Variants in CTNND2 observed in about 807,000 individuals in gnomAD.
CTNND2 encodes catenin delta 2, also known as catenin delta-2.
CTNND2 carries 22 observed loss-of-function variants against 144.4 expected under a neutral mutation model. The observed-to-expected ratio is 0.15, with a 90% CI of 0.11 to 0.22. The LOEUF (loss-of-function observed/expected upper bound fraction) is 0.22, where lower values mean the gene tolerates loss of function less well. Ranked by LOEUF, CTNND2 falls within the 10% of genes least tolerant of loss-of-function variation. CTNND2 has a pLI of 1.00. For synonymous variants in CTNND2, 751 were observed against 695.6 expected (o/e 1.08, Z -1.25); for missense variants, 1,353 against 1,618.8 (o/e 0.84, Z 2.82).
chr5:11,549,465 A>G (rs1397367755), intron 3 of CTNND2, among the ~76,000 whole-genome samples: 2 of 152,136 alleles, frequency 1.3e-5, no homozygotes, highest in Non-Finnish European at 2.9e-5. Flanking sequence ...CTCACCCCCA[A>G]CAGGCAGACT....
chr5:11,125,901 T>C (rs1374487874), intron 12 of CTNND2, among the ~76,000 whole-genome samples: 9 of 152,254 alleles, frequency 5.9e-5, no homozygotes, highest in Admixed American at 5.9e-4. Context: ...TTCTGTTTTT[T>C]ACCATAACAA....
intron 1 of CTNND2, among the ~76,000 whole-genome samples, chr5:11,805,643 C>A (rs1160923559): frequency 6.6e-6 from 1 of 151,982 alleles, no homozygotes; most frequent in East Asian, 1.9e-4. Flanking sequence ...AGCATTGGAT[C>A]ATAACATAAA....
intron 3 of CTNND2, among the ~76,000 whole-genome samples, chr5:11,416,664 A>G (rs2149844905): frequency 6.6e-6 from 1 of 152,296 alleles, no homozygotes; most frequent in South Asian, 2.1e-4. Context: ...TCACAGACAC[A>G]CTCATATCAG....
At chr5:11,325,409 A>G (rs1752430665) in intron 9 of CTNND2, among the ~76,000 whole-genome samples, 2 of 152,096 alleles carry the variant, frequency 1.3e-5, no homozygotes, top group African/African-American at 4.8e-5. Context: ...ATCAAGACAT[A>G]TATAATTATA....
At chr5:11,651,402 C>T (rs992844123) in intron 2 of CTNND2, among the ~76,000 whole-genome samples, 1 of 152,192 alleles carries the variant, frequency 6.6e-6, no homozygotes, top group African/African-American at 2.4e-5. Context: ...GCTGCAGGCG[C>T]ACAGCCATCA....
intron 2 of CTNND2, among the ~76,000 whole-genome samples, chr5:11,606,264 T>G (rs73742878): frequency 6.6e-6 from 1 of 152,106 alleles, no homozygotes; most frequent in Non-Finnish European, 1.5e-5. Flanking sequence ...CAGAAAGAAA[T>G]GCAGGCCTGA....
At chr5:11,774,691 C>T (rs918227855) in intron 1 of CTNND2, among the ~76,000 whole-genome samples, 8 of 151,636 alleles carry the variant, frequency 5.3e-5, no homozygotes, top group Non-Finnish European at 7.4e-5. Context: ...TTAAGAAACA[C>T]TTTTTTTTCA....
At chr5:11,471,765 C>T (rs537672379) in intron 3 of CTNND2, among the ~76,000 whole-genome samples, 80 of 152,204 alleles carry the variant, frequency 5.3e-4, no homozygotes, top group Non-Finnish European at 9.4e-4. Context: ...GGCTTAATTC[C>T]ACATAGGAGT....
intron 10 of CTNND2, among the ~76,000 whole-genome samples, chr5:11,205,904 A>G (rs913268243): frequency 6.6e-6 from 1 of 152,204 alleles, no homozygotes; most frequent in Non-Finnish European, 1.5e-5. Context: ...GTTCAAATCA[A>G]ATCTTAAAAC....
At chr5:11,264,364 A>G (rs1481690047) in intron 9 of CTNND2, among the ~76,000 whole-genome samples, 1 of 152,212 alleles carries the variant, frequency 6.6e-6, no homozygotes, top group African/African-American at 2.4e-5. Context: ...GTTCCAATAA[A>G]ACTTTATTTT....
chr5:11,597,878 A>AATATAATAAT (rs1220814072), intron 2 of CTNND2, among the ~76,000 whole-genome samples: 2 of 152,204 alleles, frequency 1.3e-5, no homozygotes, highest in African/African-American at 4.8e-5. Flanking sequence ...AGTCTTTGAA[A>AATATAATAAT]ATATAATAAT....
intron 15 of CTNND2, 126 bp downstream of exon 15, chr5:11,098,448 AT>A (rs377743609): frequency 9.5e-5 from 77 of 809,030 alleles, no homozygotes; most frequent in East Asian, 1.6e-4. Context: ...GTTCAATATA[AT>A]TTTTTTTTCT....
chr5:11,179,926 G>A (rs746193446), intron 11 of CTNND2, among the ~76,000 whole-genome samples: 1 of 152,074 alleles, frequency 6.6e-6, no homozygotes, highest in Non-Finnish European at 1.5e-5. Flanking sequence ...TTATTTGCTG[G>A]AAATAATAAA....
intron 1 of CTNND2, among the ~76,000 whole-genome samples, chr5:11,871,889 T>C (rs1341317436): frequency 6.6e-6 from 1 of 152,180 alleles, no homozygotes; most frequent in Non-Finnish European, 1.5e-5. Flanking sequence ...GTAGGATATT[T>C]CCTACAGAAA....
At chr5:11,869,820 T>C (rs372934815) in intron 1 of CTNND2, among the ~76,000 whole-genome samples, 2 of 152,328 alleles carry the variant, frequency 1.3e-5, no homozygotes. Context: ...GTCAATTTAG[T>C]CCAAATATGT....
intron 19 of CTNND2, 89 bp downstream of exon 19, chr5:10,992,462 C>T (rs1378078276): frequency 3.2e-6 from 5 of 1,578,272 alleles, no homozygotes; most frequent in Non-Finnish European, 4.3e-6. Context: ...AGGCTCTCCT[C>T]TGAGTACGGG....
intron 12 of CTNND2, among the ~76,000 whole-genome samples, chr5:11,157,479 T>G (rs985985505): frequency 6.6e-6 from 1 of 152,162 alleles, no homozygotes; most frequent in Non-Finnish European, 1.5e-5. Flanking sequence ...ACCGGCTGAG[T>G]GCCATTTCTT....
At chr5:11,575,676 T>C (rs13184818) in intron 2 of CTNND2, among the ~76,000 whole-genome samples, 3,618 of 152,296 alleles carry the variant, frequency 0.024, 78 homozygotes, top group Non-Finnish European at 0.04. Flanking sequence ...AAACATCATG[T>C]ACTCGACTTG....
At chr5:11,355,070 A>C (rs1342924726) in intron 8 of CTNND2, among the ~76,000 whole-genome samples, 2 of 152,216 alleles carry the variant, frequency 1.3e-5, no homozygotes, top group Non-Finnish European at 2.9e-5. Flanking sequence ...ACATCCTACC[A>C]AAACCTATGG....
Sources: gnomAD v4.1 joint callset for allele counts (sites outside exome capture counted in the v4.1 genomes callset) on GRCh38, gnomAD v4.1.1 for gene constraint, MANE v1.5 for transcripts, NCBI Gene and HGNC (gene_info 2026-07-23, HGNC 2026-07-21) for gene names.